The following KCTD16 variants were observed in gnomAD, a reference collection of about 807,000 sequenced individuals.
KCTD16 encodes BTB/POZ domain-containing protein KCTD16.
In KCTD16, 13 loss-of-function variants were observed where a neutral mutation model predicts 33.2. That is an observed-to-expected ratio of 0.39 (90% CI 0.25 to 0.62). The LOEUF is 0.62. Ranked by LOEUF, KCTD16 falls within the 20% of genes least tolerant of loss-of-function variation. The probability of loss-of-function intolerance (pLI) is 0.50; values close to 1 mark genes in which losing one functional copy is unlikely to be tolerated. For missense variants in KCTD16, 441 were observed against 525.1 expected, an observed-to-expected ratio of 0.84 and a Z score of 1.57; for synonymous variants, 197 against 195.3, an observed-to-expected ratio of 1.01 and a Z score of -0.07.
At chr5:144,441,197 T>A (rs148607925) in intron 3 of KCTD16, among the ~76,000 whole-genome samples, 1 of 152,250 alleles carries the variant, frequency 6.6e-6, no homozygotes, top group Non-Finnish European at 1.5e-5. Context: ...GAATATTTCC[T>A]CCAATTCCAT....
At chr5:144,410,191 A>G (rs187026892) in intron 3 of KCTD16, among the ~76,000 whole-genome samples, 111 of 152,310 alleles carry the variant, frequency 7.3e-4, no homozygotes, top group Middle Eastern at 3.4e-3. Flanking sequence ...CTGGCAAAGA[A>G]AAGGGGAGGC....
chr5:144,366,712 C>A (rs1299595083), intron 3 of KCTD16, among the ~76,000 whole-genome samples: 1 of 152,088 alleles, frequency 6.6e-6, no homozygotes, highest in Non-Finnish European at 1.5e-5. Flanking sequence ...TCACAAATGA[C>A]CAAGTAGGCA....
At chr5:144,320,161 A>T (rs1193605965) in intron 3 of KCTD16, among the ~76,000 whole-genome samples, 1 of 152,192 alleles carries the variant, frequency 6.6e-6, no homozygotes, top group African/African-American at 2.4e-5. Context: ...TCTTTGGGGA[A>T]TCTCAGAATA....
chr5:144,323,740 A>T (rs1029181029), intron 3 of KCTD16, among the ~76,000 whole-genome samples: 1 of 152,152 alleles, frequency 6.6e-6, no homozygotes, highest in African/African-American at 2.4e-5. Context: ...TTTCACAGCC[A>T]CCACATATAG....
chr5:144,216,313 T>C (rs1378922061), intron 3 of KCTD16, among the ~76,000 whole-genome samples: 1 of 152,206 alleles, frequency 6.6e-6, no homozygotes, highest in Non-Finnish European at 1.5e-5. Flanking sequence ...ATAAGATTGC[T>C]AATGGGATGG....
Position 144,219,237 on chromosome 5 carries a change from G to T in KCTD16, c.832+11691G>T, listed in dbSNP as rs144814991. On this transcript the variant is annotated intron_variant, in intron 3 of 3. Transcript: ENST00000512467. ...TTTATTTTTTTTATTTTTTGAGATG[G>T]AGTCTGGCTCTTGTTGCCCAGGCTG... Among the ~76,000 whole-genome samples, 1,317 of 151,964 alleles carry T rather than the reference G, an allele frequency of 8.7e-3. 16 individuals carry two copies. Among genetic ancestry groups the T allele is most frequent in the African/African-American group, 0.03 (1,242 of 41,450 alleles).
Position 144,398,309 on chromosome 5 carries a change from C to G in KCTD16, c.833-75351C>G, listed in dbSNP as rs573833959. ...TACCATTAAAATGGTGGTAACATGT[C>G]AGGTAGTAAAGAGAAGAGCTGCTTG... On this transcript the variant is annotated intron_variant, in intron 3 of 3. Coordinates refer to ENST00000512467, the MANE Select transcript of KCTD16 (RefSeq NM_020768.4). 9.8e-4 allele frequency among the ~76,000 whole-genome samples: 149 copies of G among 152,230 alleles called. 1 individual carries two copies. The Middle Eastern group carries it at 0.014, about 14-fold the overall frequency.
At chr5:144,294,470 A>C (rs939884240) in intron 3 of KCTD16, among the ~76,000 whole-genome samples, 1 of 151,250 alleles carries the variant, frequency 6.6e-6, no homozygotes, top group African/African-American at 2.4e-5. Flanking sequence ...GGGTGTATGT[A>C]AGCATTTTGT....
At chr5:144,179,520 C>T (rs1752575036) in intron 2 of KCTD16, among the ~76,000 whole-genome samples, 1 of 152,184 alleles carries the variant, frequency 6.6e-6, no homozygotes. Context: ...CTGCCAGTCT[C>T]ATCTGTCCAG....
At chr5:144,273,539 T>C (rs1472815897) in intron 3 of KCTD16, among the ~76,000 whole-genome samples, 1 of 152,182 alleles carries the variant, frequency 6.6e-6, no homozygotes, top group African/African-American at 2.4e-5. Context: ...ATAGAAGTTA[T>C]TCAAAATAGC....
chr5:144,281,787 A>G (rs1755615833), intron 3 of KCTD16, among the ~76,000 whole-genome samples: 1 of 152,150 alleles, frequency 6.6e-6, no homozygotes, highest in African/African-American at 2.4e-5. Flanking sequence ...TAAGTGTTAA[A>G]GTTTCCACCC....
At chr5:144,345,561 C>T (rs1453359821) in intron 3 of KCTD16, among the ~76,000 whole-genome samples, 1 of 152,194 alleles carries the variant, frequency 6.6e-6, no homozygotes, top group East Asian at 1.9e-4. Flanking sequence ...TATCCATTCA[C>T]TCAGAAGATA....
At chr5:144,271,766 C>CT (rs1755300873) in intron 3 of KCTD16, among the ~76,000 whole-genome samples, 1 of 94,350 alleles carries the variant, frequency 1.1e-5, no homozygotes, top group African/African-American at 3.1e-5. Context: ...AAACTACACA[C>CT]ACACACACAC....
At chr5:144,268,379 G>A (rs548668086) in intron 3 of KCTD16, among the ~76,000 whole-genome samples, 5 of 152,266 alleles carry the variant, frequency 3.3e-5, no homozygotes, top group African/African-American at 1.2e-4. Context: ...AAGGGCTAGA[G>A]CACCCTTTTT....
chr5:144,345,389 G>A (rs1409366495), intron 3 of KCTD16, among the ~76,000 whole-genome samples: 1 of 152,026 alleles, frequency 6.6e-6, no homozygotes, highest in Non-Finnish European at 1.5e-5. Context: ...AGCAGAAAAT[G>A]CAGTACAACA....
At chr5:144,199,917 G>A (rs1753011352) in intron 2 of KCTD16, among the ~76,000 whole-genome samples, 1 of 151,822 alleles carries the variant, frequency 6.6e-6, no homozygotes, top group South Asian at 2.1e-4. Flanking sequence ...GTTTCACCAT[G>A]TTAGCCAGGA....
At chr5:144,217,876 T>G (rs1046687449) in intron 3 of KCTD16, among the ~76,000 whole-genome samples, 1 of 152,202 alleles carries the variant, frequency 6.6e-6, no homozygotes, top group African/African-American at 2.4e-5. Flanking sequence ...GAAGTGTAAT[T>G]TTGTTTTCTT....
At chr5:144,265,705 T>C (rs1755123538) in intron 3 of KCTD16, among the ~76,000 whole-genome samples, 1 of 152,214 alleles carries the variant, frequency 6.6e-6, no homozygotes, top group African/African-American at 2.4e-5. Context: ...TTTAGGAACA[T>C]AAATATATGT....
intron 3 of KCTD16, among the ~76,000 whole-genome samples, chr5:144,350,515 G>A (rs576384339): frequency 1.6e-4 from 24 of 152,192 alleles, no homozygotes; most frequent in Non-Finnish European, 2.9e-4. Flanking sequence ...CTGGTAAATA[G>A]CAGAGTTTTT....
Sources: gnomAD v4.1 joint callset for allele counts (sites outside exome capture counted in the v4.1 genomes callset) on GRCh38, gnomAD v4.1.1 for gene constraint, MANE v1.5 for transcripts, NCBI Gene and HGNC (gene_info 2026-07-23, HGNC 2026-07-21) for gene names.